The following FAM135B variants were observed in gnomAD, a reference collection of about 807,000 sequenced individuals.
FAM135B encodes the protein protein FAM135B.
Under a neutral mutation model 127.7 loss-of-function variants are expected in FAM135B, and 43 were observed. The ratio of observed to expected loss-of-function variants is 0.34; its 90% CI spans 0.26 to 0.43. The LOEUF is 0.43. Ranked by LOEUF, FAM135B falls within the 20% of genes least tolerant of loss-of-function variation. The pLI is 1.00. For missense variants in FAM135B, 1,558 were observed against 1,725.6 expected (o/e 0.90, Z 1.72); for synonymous variants, 670 against 665.1 (o/e 1.01, Z -0.11).
intron 1 of FAM135B, among the ~76,000 whole-genome samples, chr8:138,470,433 G>A (rs1187411172): frequency 2.0e-5 from 3 of 152,152 alleles, no homozygotes; most frequent in African/African-American, 7.2e-5. Flanking sequence ...ATGAATCAGT[G>A]TAAAGCCCTG....
At chr8:138,257,782 C>T (rs953234552) in intron 4 of FAM135B, among the ~76,000 whole-genome samples, 4 of 151,804 alleles carry the variant, frequency 2.6e-5, no homozygotes, top group African/African-American at 9.7e-5. Context: ...TGTTTAGACC[C>T]CATAGTATTT....
intron 1 of FAM135B, among the ~76,000 whole-genome samples, chr8:138,397,572 C>T (rs1167099745): frequency 6.6e-6 from 1 of 152,156 alleles, no homozygotes; most frequent in African/African-American, 2.4e-5. Flanking sequence ...CATCCCATAA[C>T]TCAGTGAAAA....
intron 2 of FAM135B, among the ~76,000 whole-genome samples, chr8:138,340,945 C>G (rs1373214263): frequency 6.6e-6 from 1 of 152,200 alleles, no homozygotes; most frequent in African/African-American, 2.4e-5. Context: ...TTTTGTTCAT[C>G]CCACAAGACG....
chr8:138,255,660 T>C lies in FAM135B; in HGVS notation c.368+1029A>G, dbSNP rs80320479. Among the ~76,000 whole-genome samples, 797 of 152,304 alleles carry C rather than the reference T, an allele frequency of 5.2e-3. 4 individuals are homozygous for C. The highest frequency in any genetic ancestry group is 0.018 in the African/African-American group (757 of 41,572). ...GGAAAAGTATCCACCCCCAAAGAGC[T>C]AACTGCAAGGAATGAGTCACCCAGC... On this transcript the variant is annotated intron_variant, in intron 5 of 19. Transcript: ENST00000395297.
intron 2 of FAM135B, among the ~76,000 whole-genome samples, chr8:138,326,654 CA>C (rs1827813059): frequency 6.6e-6 from 1 of 152,108 alleles, no homozygotes; most frequent in South Asian, 2.1e-4. Flanking sequence ...GTCTTTCATG[CA>C]GAAGGATCAA....
At chr8:138,287,646 CA>C (rs747584918) in intron 3 of FAM135B, among the ~76,000 whole-genome samples, 4 of 152,098 alleles carry the variant, frequency 2.6e-5, no homozygotes, top group Admixed American at 6.6e-5. Flanking sequence ...TTCCCCCAAA[CA>C]GACCTGATTT....
chr8:138,257,396 C>T (rs1254336549), intron 4 of FAM135B, among the ~76,000 whole-genome samples: 1 of 149,898 alleles, frequency 6.7e-6, no homozygotes, highest in East Asian at 1.9e-4. Flanking sequence ...TGCTTTTGTC[C>T]TTTGCTTTAA....
chr8:138,322,793 C>A (rs563403706), intron 2 of FAM135B, among the ~76,000 whole-genome samples: 2 of 152,268 alleles, frequency 1.3e-5, no homozygotes, highest in African/African-American at 2.4e-5. Flanking sequence ...GGACACCTGG[C>A]ACCATCTGGA....
intron 3 of FAM135B, among the ~76,000 whole-genome samples, chr8:138,292,827 G>T (rs1586986076): frequency 6.6e-6 from 1 of 151,968 alleles, no homozygotes; most frequent in South Asian, 2.1e-4. Flanking sequence ...ATTTGAAACT[G>T]CCCAGAGCAA....
At chr8:138,385,149 C>T (rs988654744) in intron 1 of FAM135B, among the ~76,000 whole-genome samples, 2 of 152,182 alleles carry the variant, frequency 1.3e-5, no homozygotes, top group Non-Finnish European at 2.9e-5. Flanking sequence ...CCTCAAAGGG[C>T]CTTTCTGACA....
chr8:138,378,125 A>G (rs932368363), intron 1 of FAM135B, among the ~76,000 whole-genome samples: 11 of 152,342 alleles, frequency 7.2e-5, no homozygotes, highest in Non-Finnish European at 1.2e-4. Context: ...ATTGGGGCCA[A>G]CTTCTCATAG....
intron 9 of FAM135B, among the ~76,000 whole-genome samples, chr8:138,184,746 A>C (rs1185113896): frequency 3.3e-5 from 5 of 152,146 alleles, no homozygotes; most frequent in African/African-American, 1.2e-4. Context: ...GTCCACCTAA[A>C]GGGCGACCCC....
chr8:138,341,276 G>A (rs1288990962), intron 2 of FAM135B, among the ~76,000 whole-genome samples: 1 of 152,200 alleles, frequency 6.6e-6, no homozygotes, highest in Non-Finnish European at 1.5e-5. Context: ...TTAACCTTGA[G>A]GACATTGTTG....
intron 1 of FAM135B, among the ~76,000 whole-genome samples, chr8:138,456,821 A>G (rs1836806004): frequency 6.6e-6 from 1 of 152,134 alleles, no homozygotes; most frequent in Non-Finnish European, 1.5e-5. Context: ...GGTATGGTCT[A>G]TATACATCAG....
intron 5 of FAM135B, among the ~76,000 whole-genome samples, chr8:138,254,902 T>C (rs773262678): frequency 3.3e-5 from 5 of 152,140 alleles, no homozygotes; most frequent in Non-Finnish European, 7.3e-5. Context: ...TAGACATCCA[T>C]CTTTGGTTCA....
At chr8:138,398,508 T>C (rs1381824019) in intron 1 of FAM135B, among the ~76,000 whole-genome samples, 1 of 152,176 alleles carries the variant, frequency 6.6e-6, no homozygotes, top group Non-Finnish European at 1.5e-5. Flanking sequence ...TGGGCTTTAA[T>C]AGAAATCAGC....
At chr8:138,182,668 G>A (rs1815175742) in intron 9 of FAM135B, among the ~76,000 whole-genome samples, 1 of 152,210 alleles carries the variant, frequency 6.6e-6, no homozygotes, top group South Asian at 2.1e-4. Flanking sequence ...ACTGAGTACT[G>A]TAGAAAGGTC....
chr8:138,467,294 C>G (rs1012543256), intron 1 of FAM135B, among the ~76,000 whole-genome samples: 1 of 152,108 alleles, frequency 6.6e-6, no homozygotes, highest in Non-Finnish European at 1.5e-5. Context: ...TCAAACATCT[C>G]GGAGGCATAG....
At chr8:138,216,686 A>G (rs1403936211) in intron 7 of FAM135B, among the ~76,000 whole-genome samples, 1 of 152,196 alleles carries the variant, frequency 6.6e-6, no homozygotes, top group East Asian at 1.9e-4. Context: ...GTTGGAAAGT[A>G]TTACTGTTTC....
Sources: allele counts gnomAD v4.1 joint callset (sites outside exome capture counted in the v4.1 genomes callset), GRCh38; gene constraint gnomAD v4.1.1; transcripts MANE v1.5; gene names NCBI Gene and HGNC (gene_info 2026-07-23, HGNC 2026-07-21).